The following ATRNL1 variants were observed in gnomAD, a reference collection of about 807,000 sequenced individuals.
ATRNL1 encodes attractin-like protein 1.
ATRNL1 carries 95 observed loss-of-function variants against 182.7 expected under a neutral mutation model. The ratio of observed to expected loss-of-function variants is 0.52; its 90% confidence interval spans 0.44 to 0.62. ATRNL1 has a LOEUF of 0.62. ATRNL1 is among the 20% of genes least tolerant of loss of function. The pLI is 0.00. For missense variants in ATRNL1, 1,471 were observed against 1,679.5 expected (o/e 0.88, Z 2.17); for synonymous variants, 576 against 568.3 (o/e 1.01, Z -0.19).
chr10:115,677,360 G>C (rs1046400772), intron 26 of ATRNL1, among the ~76,000 whole-genome samples: 1 of 152,060 alleles, frequency 6.6e-6, no homozygotes. Flanking sequence ...GTTACTGCAT[G>C]AGAGCCACCA....
chr10:115,725,493 T>C (rs1275632751), intron 26 of ATRNL1, among the ~76,000 whole-genome samples: 1 of 152,162 alleles, frequency 6.6e-6, no homozygotes, highest in African/African-American at 2.4e-5. Context: ...TCATTTTGTC[T>C]AGCAATCACT....
chr10:115,345,795 G>A, intron 19 of ATRNL1, among the ~76,000 whole-genome samples: 1 of 152,104 alleles, frequency 6.6e-6, no homozygotes, highest in Non-Finnish European at 1.5e-5. Flanking sequence ...TCTGCTATCT[G>A]TCTTTACAAA....
chr10:115,780,485 AG>A (rs1555079058), intron 27 of ATRNL1, among the ~76,000 whole-genome samples: 3 of 152,158 alleles, frequency 2.0e-5, no homozygotes, highest in Non-Finnish European at 4.4e-5. Flanking sequence ...GGGGCTGCTA[AG>A]GAAGTGCTTG....
chr10:115,242,933 G>A (rs1850482967), intron 10 of ATRNL1, among the ~76,000 whole-genome samples: 1 of 152,012 alleles, frequency 6.6e-6, no homozygotes. Flanking sequence ...TAGTAAAATG[G>A]GTTGAATGAA....
intron 22 of ATRNL1, among the ~76,000 whole-genome samples, chr10:115,462,981 C>T (rs951978442): frequency 1.3e-5 from 2 of 151,606 alleles, no homozygotes; most frequent in African/African-American, 4.8e-5. Context: ...AATTTTAGTT[C>T]TTTTAAAACT....
At chr10:115,381,012 A>T (rs1231475183) in intron 19 of ATRNL1, among the ~76,000 whole-genome samples, 1 of 152,152 alleles carries the variant, frequency 6.6e-6, no homozygotes, top group Non-Finnish European at 1.5e-5. Context: ...CCAGCAGTTC[A>T]TGTGTGTTTC....
At chr10:115,603,442 C>T (rs1856717174) in intron 26 of ATRNL1, among the ~76,000 whole-genome samples, 1 of 152,164 alleles carries the variant, frequency 6.6e-6, no homozygotes, top group South Asian at 2.1e-4. Context: ...AGAGACCAAA[C>T]ATTAGAGCAG....
intron 6 of ATRNL1, 127 bp from the exon 7 acceptor site, chr10:115,165,431 G>A: frequency 4.5e-6 from 2 of 446,758 alleles, no homozygotes. Context: ...GAAATTATGA[G>A]TTTATTAGTT....
intron 28 of ATRNL1, among the ~76,000 whole-genome samples, chr10:115,868,350 A>G (rs937363800): frequency 3.3e-5 from 5 of 152,096 alleles, no homozygotes; most frequent in African/African-American, 9.7e-5. Flanking sequence ...AACTCTCACC[A>G]ATGAGGTTAC....
At chr10:115,555,909 C>T (rs1021845646) in intron 26 of ATRNL1, among the ~76,000 whole-genome samples, 4 of 151,940 alleles carry the variant, frequency 2.6e-5, no homozygotes, top group Admixed American at 6.6e-5. Context: ...TTAATTTTCA[C>T]ACTAAAAATA....
chr10:115,409,109 C>G (rs1845006547), intron 20 of ATRNL1, among the ~76,000 whole-genome samples: 1 of 152,062 alleles, frequency 6.6e-6, no homozygotes, highest in African/African-American at 2.4e-5. Context: ...TTTCTGTGAA[C>G]AATGTCATTG....
At chr10:115,761,677 G>C (rs921202258) in intron 27 of ATRNL1, among the ~76,000 whole-genome samples, 1 of 152,204 alleles carries the variant, frequency 6.6e-6, no homozygotes, top group Non-Finnish European at 1.5e-5. Flanking sequence ...TGTTTTGTGA[G>C]TGGTGTGTTA....
intron 21 of ATRNL1, among the ~76,000 whole-genome samples, chr10:115,440,493 A>C (rs1846618026): frequency 6.6e-6 from 1 of 151,894 alleles, no homozygotes; most frequent in African/African-American, 2.4e-5. Flanking sequence ...CTTCTTGCTC[A>C]CTAAGTACCA....
chr10:115,726,904 G>A (rs1947615308), intron 26 of ATRNL1, among the ~76,000 whole-genome samples: 1 of 150,580 alleles, frequency 6.6e-6, no homozygotes, highest in African/African-American at 2.4e-5. Flanking sequence ...GTTATTTTGA[G>A]TAGGAAAATT....
intron 24 of ATRNL1, among the ~76,000 whole-genome samples, chr10:115,472,071 T>C (rs1192092626): frequency 6.6e-6 from 1 of 151,012 alleles, no homozygotes; most frequent in East Asian, 1.9e-4. Flanking sequence ...CATATTGATA[T>C]CCCAGTGTTA....
At chr10:115,466,711 A>C (rs1416343085) in intron 22 of ATRNL1, among the ~76,000 whole-genome samples, 2 of 151,144 alleles carry the variant, frequency 1.3e-5, no homozygotes, top group African/African-American at 4.8e-5. Flanking sequence ...TATTTTTCCC[A>C]CTAGAAAATA....
chr10:115,694,911 T>TCACACACA (rs371950891), intron 26 of ATRNL1, among the ~76,000 whole-genome samples: 6 of 131,652 alleles, frequency 4.6e-5, no homozygotes, highest in African/African-American at 1.7e-4. Flanking sequence ...TGTTATAAAA[T>TCACACACA]CACACACACA....
intron 5 of ATRNL1, among the ~76,000 whole-genome samples, chr10:115,149,108 A>G (rs1289418722): frequency 6.6e-6 from 1 of 152,122 alleles, no homozygotes; most frequent in East Asian, 1.9e-4. Context: ...TTGTTGGACC[A>G]GGTGTACCAT....
chr10:115,383,333 C>T (rs1297979204), intron 19 of ATRNL1, among the ~76,000 whole-genome samples: 2 of 151,644 alleles, frequency 1.3e-5, no homozygotes, highest in African/African-American at 4.8e-5. Flanking sequence ...CTGATTAAAA[C>T]ATATGTTTTA....
Sources: gnomAD v4.1 joint callset for allele counts (sites outside exome capture counted in the v4.1 genomes callset) on GRCh38, gnomAD v4.1.1 for gene constraint, MANE v1.5 for transcripts, NCBI Gene and HGNC (gene_info 2026-07-23, HGNC 2026-07-21) for gene names.